ARHGAP42: variants seen among roughly 807,000 people sequenced by gnomAD.
ARHGAP42 encodes the protein Rho GTPase activating protein 42, also known as rho GTPase-activating protein 42.
Under a neutral mutation model 125.0 loss-of-function variants are expected in ARHGAP42, and 63 were observed. The observed-to-expected ratio is 0.50, with a 90% confidence interval of 0.41 to 0.62. The LOEUF (loss-of-function observed/expected upper bound fraction) is 0.62, where lower values mean the gene tolerates loss of function less well. Among genes scored for constraint, ARHGAP42 ranks in the 20% least tolerant of loss-of-function variants. ARHGAP42 has a pLI of 0.00. For missense variants in ARHGAP42, 766 were observed against 1,024.2 expected (o/e 0.75, Z 3.44); for synonymous variants, 339 against 351.0 (o/e 0.97, Z 0.38).
chr11:100,867,592 G>A (rs1865600615), intron 4 of ARHGAP42, among the ~76,000 whole-genome samples: 1 of 152,198 alleles, frequency 6.6e-6, no homozygotes, highest in Non-Finnish European at 1.5e-5. Context: ...AGGGAATATT[G>A]TGGTTGATCT....
At chr11:100,890,643 C>T (rs904418661) in intron 4 of ARHGAP42, among the ~76,000 whole-genome samples, 5 of 152,098 alleles carry the variant, frequency 3.3e-5, no homozygotes, top group Non-Finnish European at 5.9e-5. Flanking sequence ...TTACTATTTC[C>T]AACAGTATTT....
At chr11:100,809,708 A>G (rs933978203) in intron 3 of ARHGAP42, among the ~76,000 whole-genome samples, 1 of 152,196 alleles carries the variant, frequency 6.6e-6, no homozygotes. Context: ...TAATCCCAGC[A>G]TTTTGGGAGG....
intron 3 of ARHGAP42, among the ~76,000 whole-genome samples, chr11:100,828,031 T>C (rs1864566602): frequency 6.6e-6 from 1 of 152,098 alleles, no homozygotes; most frequent in South Asian, 2.1e-4. Context: ...TGAGAGCAGG[T>C]GAAGGACTGC....
intron 1 of ARHGAP42, among the ~76,000 whole-genome samples, chr11:100,744,279 A>C (rs1862250128): frequency 6.6e-6 from 1 of 152,162 alleles, no homozygotes; most frequent in Non-Finnish European, 1.5e-5. Flanking sequence ...AAAATTCTTT[A>C]TTTATATCCT....
At chr11:100,765,757 A>G (rs1486669590) in intron 1 of ARHGAP42, among the ~76,000 whole-genome samples, 1 of 152,170 alleles carries the variant, frequency 6.6e-6, no homozygotes, top group Non-Finnish European at 1.5e-5. Flanking sequence ...TGAAAAGATG[A>G]TAATTCTGCA....
intron 1 of ARHGAP42, among the ~76,000 whole-genome samples, chr11:100,725,990 T>C (rs1861854561): frequency 6.7e-6 from 1 of 149,048 alleles, no homozygotes; most frequent in Non-Finnish European, 1.5e-5. Context: ...CCCAGCTACT[T>C]GGAAGGCTGA....
intron 1 of ARHGAP42, among the ~76,000 whole-genome samples, chr11:100,740,064 C>T (rs76300906): frequency 0.029 from 3,873 of 132,004 alleles, 67 homozygotes; most frequent in Non-Finnish European, 0.035. Flanking sequence ...GTTATTAGTA[C>T]AATTTTTTTT....
At chr11:100,903,402 C>T (rs190057284) in intron 4 of ARHGAP42, among the ~76,000 whole-genome samples, 33 of 151,932 alleles carry the variant, frequency 2.2e-4, no homozygotes, top group Admixed American at 1.1e-3. Context: ...TTTGTCATCC[C>T]GGAAGAGCAG....
In ARHGAP42 at chr11:100,992,864, T is replaced by TGTCTGTGG. The variant is rs71053168; in HGVS notation, c.*4064_*4071dup. 301,875 of 700,996 alleles carry TGTCTGTGG rather than the reference T, an allele frequency of 0.43. 73,962 individuals are homozygous for TGTCTGTGG. Among genetic ancestry groups the TGTCTGTGG allele is most frequent in the African/African-American group, 0.65 (35,203 of 54,532 alleles). 43.4% of individuals were successfully genotyped at this position (700,996 alleles called of 1,614,324 possible). A position where few individuals can be genotyped will look rare whatever the true frequency, so the allele number is the denominator to read the frequency against. On this transcript the variant is annotated 3_prime_UTR_variant, in exon 24 of 24. Coordinates refer to ENST00000298815, the MANE Select transcript of ARHGAP42 (RefSeq NM_152432.4). ...ATGTCCTAGACCAATGATTACAAGG[T>TGTCTGTGG]GTCTGTGGTTTAGGGGGCCCAGCCC... is the stretch of plus-strand genomic sequence containing the variant.
At chr11:100,837,209 G>A (rs1368832125) in intron 3 of ARHGAP42, among the ~76,000 whole-genome samples, 1 of 151,884 alleles carries the variant, frequency 6.6e-6, no homozygotes, top group Non-Finnish European at 1.5e-5. Flanking sequence ...GTTTAAGTGT[G>A]TATTTTCTAA....
intron 1 of ARHGAP42, among the ~76,000 whole-genome samples, chr11:100,710,634 G>A (rs904037130): frequency 1.6e-4 from 24 of 148,632 alleles, no homozygotes; most frequent in African/African-American, 5.8e-4. Flanking sequence ...CTGCCTCCCG[G>A]GTTCAAGTGA....
At chr11:100,946,106 T>C (rs929292094) in intron 10 of ARHGAP42, among the ~76,000 whole-genome samples, 2 of 152,126 alleles carry the variant, frequency 1.3e-5, no homozygotes, top group Non-Finnish European at 2.9e-5. Flanking sequence ...TTTTATATTA[T>C]GCAAATGGCT....
intron 3 of ARHGAP42, among the ~76,000 whole-genome samples, chr11:100,809,275 A>G (rs1219057237): frequency 1.3e-5 from 2 of 152,122 alleles, no homozygotes; most frequent in Admixed American, 6.5e-5. Flanking sequence ...AAAGAAAGGT[A>G]GGAGAGGCTC....
chr11:100,938,236 G>A (rs1164223629), intron 8 of ARHGAP42, among the ~76,000 whole-genome samples: 2 of 151,966 alleles, frequency 1.3e-5, no homozygotes, highest in Non-Finnish European at 2.9e-5. Flanking sequence ...GCCCAGGTGA[G>A]ACCCTTGCAG....
chr11:100,767,676 G>C (rs922600952), intron 1 of ARHGAP42, among the ~76,000 whole-genome samples: 1 of 151,940 alleles, frequency 6.6e-6, no homozygotes, highest in African/African-American at 2.4e-5. Flanking sequence ...AGAGAAAGAA[G>C]GATATCCATC....
intron 1 of ARHGAP42, among the ~76,000 whole-genome samples, chr11:100,756,584 A>AT (rs1862582716): frequency 6.6e-6 from 1 of 152,186 alleles, no homozygotes; most frequent in Non-Finnish European, 1.5e-5. Context: ...TTGAATGGTG[A>AT]CCCAATCATA....
At chr11:100,691,035 C>T (rs1861180449) in intron 1 of ARHGAP42, among the ~76,000 whole-genome samples, 1 of 152,182 alleles carries the variant, frequency 6.6e-6, no homozygotes, top group African/African-American at 2.4e-5. Context: ...GTAAGTTAAC[C>T]TCTCTTAGTC....
chr11:100,977,422 T>C (rs1430377792), intron 21 of ARHGAP42, among the ~76,000 whole-genome samples: 2 of 152,128 alleles, frequency 1.3e-5, no homozygotes, highest in Non-Finnish European at 2.9e-5. Context: ...GAGTCCTCAC[T>C]GATTTAAACA....
chr11:100,734,858 T>A (rs2120320441), intron 1 of ARHGAP42, among the ~76,000 whole-genome samples: 1 of 152,308 alleles, frequency 6.6e-6, no homozygotes, highest in East Asian at 1.9e-4. Flanking sequence ...CACACATGTG[T>A]GCTATGATTC....
Sources: gnomAD v4.1 joint callset for allele counts (sites outside exome capture counted in the v4.1 genomes callset) on GRCh38, gnomAD v4.1.1 for gene constraint, MANE v1.5 for transcripts, NCBI Gene and HGNC (gene_info 2026-07-23, HGNC 2026-07-21) for gene names.